PPM1D: variants seen among roughly 807,000 people sequenced by gnomAD.
PPM1D encodes the protein protein phosphatase, Mg2+/Mn2+ dependent 1D, also known as protein phosphatase 1D.
PPM1D carries 52 observed loss-of-function variants against 58.3 expected under a neutral mutation model. The ratio of observed to expected loss-of-function variants is 0.89; its 90% CI spans 0.71 to 1.12. The LOEUF is 1.12. Ranked by LOEUF, PPM1D falls within the 50% of genes most tolerant of loss-of-function variation. The pLI is 0.00. For synonymous variants in PPM1D, 278 were observed against 285.1 expected, an observed-to-expected ratio of 0.98 and a Z score of 0.25; for missense variants, 564 against 777.2, an observed-to-expected ratio of 0.73 and a Z score of 3.26.
intron 1 of PPM1D, 85 bp downstream of exon 1, chr17:60,600,971 C>A: frequency 6.4e-7 from 1 of 1,573,472 alleles, no homozygotes; most frequent in South Asian, 1.1e-5. Flanking sequence ...GGGCCCCCGG[C>A]ACCCAGAGCG....
intron 2 of PPM1D, among the ~76,000 whole-genome samples, chr17:60,628,277 C>G (rs1020693776): frequency 1.5e-4 from 23 of 152,218 alleles, no homozygotes; most frequent in African/African-American, 5.3e-4. Context: ...CTTTGGCCTA[C>G]CCCCCGTCTC....
intron 1 of PPM1D, among the ~76,000 whole-genome samples, chr17:60,610,176 CAAAAAAAA>C (rs57245998): frequency 1.4e-5 from 1 of 69,884 alleles, no homozygotes; most frequent in African/African-American, 4.0e-5. Context: ...GAGACTGTCT[CAAAAAAAA>C]AAAAAAAAAA....
At chr17:60,654,025 T>G (rs2031389463) in intron 4 of PPM1D, among the ~76,000 whole-genome samples, 1 of 152,130 alleles carries the variant, frequency 6.6e-6, no homozygotes, top group Non-Finnish European at 1.5e-5. Flanking sequence ...TATTTCTTTC[T>G]CTTGCCTAAT....
At chr17:60,633,093 C>A (rs955634167) in intron 2 of PPM1D, among the ~76,000 whole-genome samples, 1 of 152,110 alleles carries the variant, frequency 6.6e-6, no homozygotes, top group South Asian at 2.1e-4. Flanking sequence ...CAAGACCAGC[C>A]TGGCCAACAT....
chr17:60,665,664 ATAT>A lies in PPM1D; in HGVS notation c.*2116_*2118del, dbSNP rs1269267407. 9 of 152,204 alleles carry A rather than the reference ATAT, an allele frequency of 5.9e-5. No individual in the cohort carries two copies. Among genetic ancestry groups the A allele is most frequent in the Admixed American group, 1.3e-4 (2 of 15,274 alleles). The allele number at this position is 152,204 out of a possible 1,614,324, so 9.4% of individuals were successfully genotyped here. A position where few individuals can be genotyped will look rare whatever the true frequency, so the allele number is the denominator to read the frequency against. On this transcript the variant is annotated 3_prime_UTR_variant, in exon 6 of 6. Transcript: ENST00000305921. ...GAAATTTAGCAGTTTAAAACAACAA[ATAT>A]TATCTCCAGTTTCTGAGCCTCAGAA...
At chr17:60,625,270 G>C (rs2030785034) in intron 2 of PPM1D, among the ~76,000 whole-genome samples, 2 of 152,170 alleles carry the variant, frequency 1.3e-5, no homozygotes, top group South Asian at 4.1e-4. Flanking sequence ...TGAAATAAAA[G>C]TAAAACATTA....
chr17:60,631,149 C>T (rs759355701), intron 2 of PPM1D, among the ~76,000 whole-genome samples: 1 of 151,990 alleles, frequency 6.6e-6, no homozygotes, highest in Non-Finnish European at 1.5e-5. Context: ...TTAAGACCAG[C>T]CTGGCAAACA....
chr17:60,607,326 A>C (rs546724355), intron 1 of PPM1D, among the ~76,000 whole-genome samples: 2 of 152,216 alleles, frequency 1.3e-5, no homozygotes, highest in African/African-American at 4.8e-5. Flanking sequence ...CTTGTTGCCC[A>C]GGCTGGAGTG....
chr17:60,604,321 A>G (rs1029967558), intron 1 of PPM1D, among the ~76,000 whole-genome samples: 1 of 152,218 alleles, frequency 6.6e-6, no homozygotes, highest in Admixed American at 6.6e-5. Context: ...ATCATTGAGA[A>G]CAAATACTGT....
chr17:60,613,462 C>T (rs1048179303), intron 1 of PPM1D, among the ~76,000 whole-genome samples: 7 of 152,254 alleles, frequency 4.6e-5, no homozygotes, highest in African/African-American at 1.7e-4. Flanking sequence ...AGCGTGCTGG[C>T]AGCCCTCGCT....
intron 2 of PPM1D, among the ~76,000 whole-genome samples, chr17:60,626,062 C>T (rs1471807580): frequency 6.6e-6 from 1 of 151,876 alleles, no homozygotes; most frequent in Non-Finnish European, 1.5e-5. Flanking sequence ...ACAGATGTAC[C>T]GTCATTTATT....
intron 1 of PPM1D, among the ~76,000 whole-genome samples, chr17:60,611,551 T>C (rs1442013813): frequency 6.6e-6 from 1 of 152,046 alleles, no homozygotes; most frequent in Non-Finnish European, 1.5e-5. Flanking sequence ...CTTGAGTAGC[T>C]GGGATTACAG....
At chr17:60,652,620 A>G (rs1348266949) in intron 4 of PPM1D, among the ~76,000 whole-genome samples, 1 of 132,690 alleles carries the variant, frequency 7.5e-6, no homozygotes, top group African/African-American at 3.0e-5. Flanking sequence ...TCTAATTTAC[A>G]TTCCCACTAA....
At chr17:60,627,106 G>C (rs546373591) in intron 2 of PPM1D, among the ~76,000 whole-genome samples, 5 of 152,128 alleles carry the variant, frequency 3.3e-5, no homozygotes, top group African/African-American at 1.2e-4. Flanking sequence ...CTTTTTCCAC[G>C]TGGAAGTTTC....
At chr17:60,618,415 G>A (rs1276953008) in intron 1 of PPM1D, among the ~76,000 whole-genome samples, 1 of 152,184 alleles carries the variant, frequency 6.6e-6, no homozygotes, top group East Asian at 1.9e-4. Flanking sequence ...AGTAGTTGAT[G>A]ATAGTACATG....
Position 60,656,996 on chromosome 17 carries a change from T to G in PPM1D, c.1260+155T>G, listed in dbSNP as rs907627254. On this transcript the variant is annotated intron_variant, in intron 5 of 5. Transcript: ENST00000305921. ...TTATTATCAGAGAGCCATCTTTACA[T>G]CAATACTAATCTGAATGCCAGCCAT... 7 of 1,551,588 alleles carry G rather than the reference T, an allele frequency of 4.5e-6. No individual in the cohort carries two copies. The African/African-American group carries it at 8.1e-5, about 18-fold the overall frequency.
intron 1 of PPM1D, among the ~76,000 whole-genome samples, chr17:60,606,406 G>T (rs1488769261): frequency 6.6e-6 from 1 of 152,134 alleles, no homozygotes; most frequent in Non-Finnish European, 1.5e-5. Context: ...TTTTGGGTAT[G>T]AACCTATAAG....
chr17:60,659,328 A>G lies in PPM1D; in HGVS notation c.1260+2487A>G, dbSNP rs184762262. Among the ~76,000 whole-genome samples the G allele has an allele frequency of 4.0e-3, 607 of 152,354 alleles. 1 individual carries two copies. Among genetic ancestry groups the G allele is most frequent in the Non-Finnish European group, 5.6e-3 (381 of 68,034 alleles). On this transcript the variant is annotated intron_variant, in intron 5 of 5. Coordinates refer to ENST00000305921, the MANE Select transcript of PPM1D (RefSeq NM_003620.4). ...GTTGAACAGTCAGAGACTTAATCAC[A>G]TTTAGACAAGGCATTTGAGACTAGA...
chr17:60,626,936 T>C (rs1170487036), intron 2 of PPM1D, among the ~76,000 whole-genome samples: 1 of 152,222 alleles, frequency 6.6e-6, no homozygotes, highest in Non-Finnish European at 1.5e-5. Context: ...TCTGTATTTC[T>C]TTTAATATTT....
Sources: allele counts gnomAD v4.1 joint callset (sites outside exome capture counted in the v4.1 genomes callset), GRCh38; gene constraint gnomAD v4.1.1; transcripts MANE v1.5; gene names NCBI Gene and HGNC (gene_info 2026-07-23, HGNC 2026-07-21).